Variants in ARHGAP5 observed in about 807,000 individuals in gnomAD.
The protein encoded by ARHGAP5 is Rho GTPase activating protein 5, also known as rho GTPase-activating protein 5.
A neutral mutation model predicts 116.6 loss-of-function variants in ARHGAP5; 23 were observed. The observed-to-expected ratio is 0.20, with a 90% CI of 0.14 to 0.28. ARHGAP5 has a LOEUF of 0.28. Ranked by LOEUF, ARHGAP5 falls within the 10% of genes least tolerant of loss-of-function variation. The pLI is 1.00. For synonymous variants in ARHGAP5, 574 were observed against 602.0 expected (o/e 0.95, Z 0.68); for missense variants, 1,405 against 1,774.8 (o/e 0.79, Z 3.74).
At chr14:32,141,742 T>C (rs922464869) in intron 3 of ARHGAP5, among the ~76,000 whole-genome samples, 1 of 152,194 alleles carries the variant, frequency 6.6e-6, no homozygotes, top group African/African-American at 2.4e-5. Flanking sequence ...TATCTTAGTT[T>C]CTCCTTCATT....
intron 1 of ARHGAP5, among the ~76,000 whole-genome samples, chr14:32,083,084 C>T (rs1363959811): frequency 6.6e-6 from 1 of 152,238 alleles, no homozygotes; most frequent in Non-Finnish European, 1.5e-5. Context: ...TAATTGTACA[C>T]CTGGAGAGAC....
intron 3 of ARHGAP5, among the ~76,000 whole-genome samples, chr14:32,120,996 C>G (rs1879857688): frequency 7.0e-6 from 1 of 143,564 alleles, no homozygotes; most frequent in Non-Finnish European, 1.5e-5. Context: ...TAATTTCATA[C>G]ACATTTAGGA....
chr14:32,092,433 C>T lies in ARHGAP5; in HGVS notation c.1764C>T (p.His588=), dbSNP rs539449668. 7 of 1,613,688 alleles carry T rather than the reference C, an allele frequency of 4.3e-6. No homozygotes were observed. The highest frequency in any genetic ancestry group is 4.0e-5 in the African/African-American group (3 of 74,988). Residue 588 remains histidine (H), a synonymous_variant, in exon 2 of 7, where the codon CAC becomes CAT. Transcript: ENST00000345122. This position sits in a 1 kb window ranked among gnomAD's most constrained non-coding sequence, Gnocchi z 4.1. Reference sequence around the variant, plus strand: ...ATCATGGCCGCTTAAGATTATATCACGATAGTACCAATATAGATAAAGTTA... The same window carrying T: ...ATCATGGCCGCTTAAGATTATATCATGATAGTACCAATATAGATAAAGTTA... ...QLDHGRLRLY[H]DSTNIDKVNL...
At chr14:32,106,301 A>G (rs190614000) in intron 2 of ARHGAP5, among the ~76,000 whole-genome samples, 46 of 152,168 alleles carry the variant, frequency 3.0e-4, no homozygotes, top group African/African-American at 1.1e-3. Flanking sequence ...TTGTATTTTT[A>G]GTAGAGACGG....
In ARHGAP5 at chr14:32,092,989, T is replaced by A. The variant is rs373593195; in HGVS notation, c.2320T>A (p.Ser774Thr). ...CCCAATTCCTGCCAATAAGGACTTATCAGAAGCTGACTTGAGAATTGTCAT... is the reference window on the plus strand; with the variant it reads ...CCCAATTCCTGCCAATAAGGACTTAACAGAAGCTGACTTGAGAATTGTCAT... The part of the protein sequence containing the change: ...VSPIPANKDL[S>T]EADLRIVMCA... Residue 774 changes from serine to threonine, a missense_variant, in exon 2 of 7, where the codon TCA (serine) becomes ACA (threonine). Around this residue, in one of 6 missense-constraint regions of ARHGAP5, gnomAD observed 944 missense variants for 1,095.3 expected, o/e 0.86. Coordinates refer to ENST00000345122, the MANE Select transcript of ARHGAP5 (RefSeq NM_001030055.2). This position sits in a 1 kb window ranked among gnomAD's most constrained non-coding sequence, Gnocchi z 4.1. 11 of 1,613,978 alleles carry A rather than the reference T, an allele frequency of 6.8e-6. No individual in the cohort carries two copies. The highest frequency in any genetic ancestry group is 4.5e-5 in the East Asian group (2 of 44,884).
chr14:32,139,329 ATATCT>A (rs1566681273), intron 3 of ARHGAP5, among the ~76,000 whole-genome samples: 1 of 152,038 alleles, frequency 6.6e-6, no homozygotes, highest in African/African-American at 2.4e-5. Flanking sequence ...ATCAGTGAAA[ATATCT>A]TGTATTGGGC....
rs571236670 is a variant in ARHGAP5, at chr14:32,158,279, T to C, written c.*3331T>C. 1.3e-5 allele frequency: 2 copies of C among 152,006 alleles called. No homozygotes were observed. Among genetic ancestry groups the C allele is most frequent in the Non-Finnish European group, 2.9e-5 (2 of 67,798 alleles). 9.4% of individuals were successfully genotyped at this position (152,006 alleles called of 1,614,324 possible). A position where few individuals can be genotyped will look rare whatever the true frequency, so the allele number is the denominator to read the frequency against. On this transcript the variant is annotated 3_prime_UTR_variant, in exon 7 of 7. Transcript: ENST00000345122. ...GAGATGTATTATTGAATTTTCACTG[T>C]ACCTGAAAAGGAGATTCAAAATTTT...
intron 3 of ARHGAP5, among the ~76,000 whole-genome samples, chr14:32,143,141 G>T (rs1881202148): frequency 6.6e-6 from 1 of 152,062 alleles, no homozygotes. Flanking sequence ...TTACTTAAGG[G>T]TTAGTGACCT....
intron 1 of ARHGAP5, among the ~76,000 whole-genome samples, chr14:32,083,306 A>G (rs781512347): frequency 6.6e-6 from 1 of 152,284 alleles, no homozygotes; most frequent in Non-Finnish European, 1.5e-5. Flanking sequence ...ATTACATGAA[A>G]TTCAAATTTT....
intron 2 of ARHGAP5, among the ~76,000 whole-genome samples, chr14:32,101,581 C>A (rs1878793155): frequency 6.6e-6 from 1 of 150,578 alleles, no homozygotes. Context: ...AACCTCTTGA[C>A]AGTCATTAGG....
intron 2 of ARHGAP5, among the ~76,000 whole-genome samples, chr14:32,111,241 G>A (rs1879279275): frequency 6.6e-6 from 1 of 152,196 alleles, no homozygotes; most frequent in Non-Finnish European, 1.5e-5. Context: ...TACAGCTTGA[G>A]TACAGAGCAA....
chr14:32,117,990 T>G (rs758213296), intron 3 of ARHGAP5, among the ~76,000 whole-genome samples: 4 of 151,348 alleles, frequency 2.6e-5, no homozygotes, highest in Non-Finnish European at 4.4e-5. Context: ...ACTACACATT[T>G]TAATGGCTTG....
chr14:32,143,680 A>G (rs1220312962), intron 3 of ARHGAP5, among the ~76,000 whole-genome samples: 3 of 152,238 alleles, frequency 2.0e-5, no homozygotes, highest in Non-Finnish European at 4.4e-5. Flanking sequence ...AACTTGGATA[A>G]TTCACAGCTG....
At chr14:32,102,410 A>G (rs1878832879) in intron 2 of ARHGAP5, among the ~76,000 whole-genome samples, 1 of 152,210 alleles carries the variant, frequency 6.6e-6, no homozygotes, top group African/African-American at 2.4e-5. Context: ...GTGAGACACC[A>G]TCCCTACAAA....
At chr14:32,152,662 C>T in intron 6 of ARHGAP5, 134 bp downstream of exon 6, 1 of 483,600 alleles carries the variant, frequency 2.1e-6, no homozygotes, top group Non-Finnish European at 3.6e-6. Flanking sequence ...TTTTGTTTTT[C>T]TAATTTATAT....
At chr14:32,130,021 G>T (rs900157579) in intron 3 of ARHGAP5, among the ~76,000 whole-genome samples, 2 of 151,916 alleles carry the variant, frequency 1.3e-5, no homozygotes, top group Non-Finnish European at 2.9e-5. Context: ...CATGATCACA[G>T]TACTGCATTC....
chr14:32,109,743 A>G (rs1879193347), intron 2 of ARHGAP5, among the ~76,000 whole-genome samples: 1 of 152,118 alleles, frequency 6.6e-6, no homozygotes, highest in African/African-American at 2.4e-5. Context: ...ACATATTTGC[A>G]AACTTTTTAA....
rs907024805 is a variant in ARHGAP5, at chr14:32,156,889, G to A, written c.*1941G>A. 3 of 152,336 alleles carry A rather than the reference G, an allele frequency of 2.0e-5. No individual in the cohort carries two copies. The highest frequency in any genetic ancestry group is 2.0e-4 in the Admixed American group (3 of 15,254). 9.4% of individuals were successfully genotyped at this position (152,336 alleles called of 1,614,324 possible). A position where few individuals can be genotyped will look rare whatever the true frequency, so the allele number is the denominator to read the frequency against. Reference sequence around the variant, plus strand: ...TCTATTTGGAAGTAGGCTGAAAAGAGAATTTTCAAAACTGTTCGTGTCTTC... The same window carrying A: ...TCTATTTGGAAGTAGGCTGAAAAGAAAATTTTCAAAACTGTTCGTGTCTTC... On this transcript the variant is annotated 3_prime_UTR_variant, in exon 7 of 7. Transcript: ENST00000345122.
rs890846122 is a variant in ARHGAP5 at position 32,094,372 on chromosome 14, A to G, written c.3703A>G (p.Lys1235Glu). 1 of 1,571,164 alleles carries G rather than the reference A, an allele frequency of 6.4e-7. No individual in the cohort carries two copies. The highest frequency in any genetic ancestry group is 8.6e-7 in the Non-Finnish European group (1 of 1,165,962). Residue 1235 changes from lysine (K) to glutamate (E), a missense_variant, in exon 2 of 7, where the codon AAA (lysine) becomes GAA (glutamate). Around this residue, in one of 6 missense-constraint regions of ARHGAP5, gnomAD observed 176 missense variants for 221.2 expected, o/e 0.80. Transcript: ENST00000345122. ...GATGAAGAAGAAAACCCACAAAGTGAAAGAAGATAAAAAGGTAAGGTTAAC... is the reference window on the plus strand; with the variant it reads ...GATGAAGAAGAAAACCCACAAAGTGGAAGAAGATAAAAAGGTAAGGTTAAC... ...KKMKKKTHKV[K>E]EDKKQKKKTK... is the part of the protein sequence containing the mutation.
Sources: gnomAD v4.1 joint callset for allele counts (sites outside exome capture counted in the v4.1 genomes callset) on GRCh38, gnomAD v4.1.1 for gene constraint, gnomAD v4.1.1 regional missense constraint, Gnocchi (gnomAD v3.1) non-coding constraint, MANE v1.5 for transcripts, NCBI Gene and HGNC (gene_info 2026-07-23, HGNC 2026-07-21) for gene names.